The following EYS variants were observed in gnomAD, a reference collection of about 807,000 sequenced individuals.
EYS encodes protein eyes shut homolog.
Under a neutral mutation model 282.1 loss-of-function variants are expected in EYS, and 250 were observed. The observed-to-expected ratio is 0.89, with a 90% CI of 0.80 to 0.98. The LOEUF is 0.98. EYS is among the 50% of genes least tolerant of loss of function. The pLI is 0.00. For missense variants in EYS, 4,016 were observed against 3,709.0 expected (o/e 1.08, Z -2.15); for synonymous variants, 1,355 against 1,282.9 (o/e 1.06, Z -1.20).
intron 12 of EYS, among the ~76,000 whole-genome samples, chr6:65,125,255 T>C (rs1775685660): frequency 6.6e-6 from 1 of 152,238 alleles, no homozygotes; most frequent in Non-Finnish European, 1.5e-5. Context: ...ACATTTTATT[T>C]ACAAACATGA....
At chr6:65,316,849 T>A (rs559243461) in intron 11 of EYS, among the ~76,000 whole-genome samples, 1 of 152,314 alleles carries the variant, frequency 6.6e-6, no homozygotes, top group African/African-American at 2.4e-5. Context: ...ATGTTGTATA[T>A]GTGCCACATT....
At chr6:65,044,762 T>C (rs1773049665) in intron 13 of EYS, among the ~76,000 whole-genome samples, 1 of 151,844 alleles carries the variant, frequency 6.6e-6, no homozygotes, top group Non-Finnish European at 1.5e-5. Flanking sequence ...CCTATGTGTG[T>C]GTCATTCAGG....
chr6:65,105,039 A>C (rs192408573), intron 12 of EYS, among the ~76,000 whole-genome samples: 1 of 151,786 alleles, frequency 6.6e-6, no homozygotes, highest in Non-Finnish European at 1.5e-5. Context: ...TGTGTGATAT[A>C]CATGTTTTTC....
chr6:64,616,122 T>C lies in EYS; in HGVS notation c.3684+1296A>G, dbSNP rs574276644. On this transcript the variant is annotated intron_variant, in intron 24 of 42. Transcript: ENST00000503581. ...AACATATCATATGTAAAATAAGCATTGATTTTCTAAGTTATTTAGATTCCT... is the reference window on the plus strand; with the variant it reads ...AACATATCATATGTAAAATAAGCATCGATTTTCTAAGTTATTTAGATTCCT... Among the ~76,000 whole-genome samples, 41 of 152,274 alleles carry C rather than the reference T, an allele frequency of 2.7e-4. No individual in the cohort carries two copies. The South Asian group carries it at 3.3e-3, about 12-fold the overall frequency.
chr6:64,114,849 A>G (rs1773321438), intron 31 of EYS, among the ~76,000 whole-genome samples: 1 of 152,086 alleles, frequency 6.6e-6, no homozygotes, highest in Non-Finnish European at 1.5e-5. Context: ...GAAGATCTCC[A>G]GGGGAGGGAG....
intron 12 of EYS, among the ~76,000 whole-genome samples, chr6:65,264,255 T>C (rs1392213665): frequency 6.6e-6 from 1 of 152,148 alleles, no homozygotes; most frequent in African/African-American, 2.4e-5. Flanking sequence ...ATTCAAATAT[T>C]TATTTCTCCT....
intron 5 of EYS, among the ~76,000 whole-genome samples, chr6:65,444,888 T>G (rs1768592759): frequency 6.6e-6 from 1 of 152,082 alleles, no homozygotes; most frequent in African/African-American, 2.4e-5. Context: ...CATTTCTCAA[T>G]GATGTATTCA....
At chr6:63,795,361 A>T (rs1770619604) in intron 37 of EYS, among the ~76,000 whole-genome samples, 1 of 152,160 alleles carries the variant, frequency 6.6e-6, no homozygotes, top group Non-Finnish European at 1.5e-5. Flanking sequence ...GATGGGAATG[A>T]TGATAAAACA....
chr6:64,358,079 G>A (rs1771887824), intron 29 of EYS, among the ~76,000 whole-genome samples: 1 of 151,614 alleles, frequency 6.6e-6, no homozygotes, highest in African/African-American at 2.4e-5. Context: ...GGATAATGAT[G>A]ATGAATTCCT....
intron 2 of EYS, among the ~76,000 whole-genome samples, chr6:65,597,869 G>A (rs1765463305): frequency 6.6e-6 from 1 of 152,058 alleles, no homozygotes; most frequent in South Asian, 2.1e-4. Flanking sequence ...GGGAGGTCAA[G>A]GCGGGCAGAT....
intron 24 of EYS, among the ~76,000 whole-genome samples, chr6:64,614,017 C>T (rs543093184): frequency 1.5e-4 from 23 of 152,118 alleles, no homozygotes; most frequent in Admixed American, 7.9e-4. Context: ...GAAGCACATT[C>T]GAAGGTCACA....
chr6:65,687,435 T>C (rs1172064246), intron 1 of EYS, among the ~76,000 whole-genome samples: 1 of 152,024 alleles, frequency 6.6e-6, no homozygotes, highest in Non-Finnish European at 1.5e-5. Flanking sequence ...TCCCTACTTT[T>C]CCGCCTTTTG....
chr6:64,489,405 A>G (rs970687716), intron 26 of EYS, among the ~76,000 whole-genome samples: 3 of 150,376 alleles, frequency 2.0e-5, no homozygotes, highest in South Asian at 4.1e-4. Flanking sequence ...TGTTAAGTGT[A>G]CATATCAATA....
chr6:64,097,571 C>T (rs553129542), intron 31 of EYS, among the ~76,000 whole-genome samples: 1 of 152,288 alleles, frequency 6.6e-6, no homozygotes, highest in South Asian at 2.1e-4. Flanking sequence ...GATATAATCT[C>T]CTGCTGTGCC....
At position 64,581,865 on chromosome 6, in the gene EYS, G is replaced by A. The variant is rs1399758836; in HGVS notation, c.5644+8358C>T. ...ACTGTCTATGTCTTTATGATAGGGC[G>A]CCATCAGAGTGGTAGAGAAGACAGG... On this transcript the variant is annotated intron_variant, in intron 26 of 42. Transcript: ENST00000503581. 3.9e-5 allele frequency among the ~76,000 whole-genome samples: 6 copies of A among 152,206 alleles called. 1 individual carries two copies. The South Asian group carries it at 6.2e-4, about 16-fold the overall frequency.
intron 12 of EYS, among the ~76,000 whole-genome samples, chr6:65,209,590 C>T (rs940643118): frequency 2.0e-5 from 3 of 151,874 alleles, no homozygotes; most frequent in African/African-American, 7.2e-5. Context: ...GTGTCAGGCA[C>T]TGTTATAGGC....
chr6:64,589,789 C>T (rs1766341128), intron 26 of EYS, among the ~76,000 whole-genome samples: 1 of 151,886 alleles, frequency 6.6e-6, no homozygotes. Context: ...TAGGAAATCT[C>T]AAGAAAGTTC....
chr6:65,317,818 C>CT (rs1562092930), intron 11 of EYS, among the ~76,000 whole-genome samples: 6 of 54,126 alleles, frequency 1.1e-4, no homozygotes, highest in East Asian at 8.9e-4. Flanking sequence ...TCCTTCCTTC[C>CT]TTCCTTCCTT....
At chr6:64,502,393 T>C (rs1777080790) in intron 26 of EYS, among the ~76,000 whole-genome samples, 1 of 152,050 alleles carries the variant, frequency 6.6e-6, no homozygotes, top group African/African-American at 2.4e-5. Flanking sequence ...GGCTAATTTT[T>C]TGTACTTTTA....
Sources: gnomAD v4.1 joint callset for allele counts (sites outside exome capture counted in the v4.1 genomes callset) on GRCh38, gnomAD v4.1.1 for gene constraint, MANE v1.5 for transcripts, NCBI Gene and HGNC (gene_info 2026-07-23, HGNC 2026-07-21) for gene names.